SCN7A: variants seen among roughly 807,000 people sequenced by gnomAD.
SCN7A encodes sodium voltage-gated channel alpha subunit 7.
Under a neutral mutation model 155.2 loss-of-function variants are expected in SCN7A, and 138 were observed. That is an observed-to-expected ratio of 0.89 (90% CI 0.77 to 1.02). The LOEUF (loss-of-function observed/expected upper bound fraction) is 1.02, where lower values mean the gene tolerates loss of function less well. Among genes scored for constraint, SCN7A ranks in the 50% least tolerant of loss-of-function variants. SCN7A has a pLI of 0.00. For synonymous variants in SCN7A, 693 were observed against 649.0 expected, an observed-to-expected ratio of 1.07 and a Z score of -1.03; for missense variants, 2,058 against 1,986.6, an observed-to-expected ratio of 1.04 and a Z score of -0.68.
chr2:166,432,534 G>C lies in SCN7A; in HGVS notation c.2376C>G (p.Asp792Glu). Residue 792 changes from aspartate (D) to glutamate (E), a missense_variant, in exon 16 of 26, where the codon GAC becomes GAG. Coordinates refer to ENST00000643258, the MANE Select transcript of SCN7A (RefSeq NM_002976.4). ...TGTTGCTCAATTCAGAAAGGGTATG[G>C]TCAGAAATATCTTCTTTAACATATA... ...NEVYVKEDIS[D>E]HTLSELSNTQ... 1 of 1,613,510 alleles carries C rather than the reference G, an allele frequency of 6.2e-7. No homozygotes were observed. The highest frequency in any genetic ancestry group is 8.5e-7 in the Non-Finnish European group (1 of 1,179,618).
At chr2:166,474,451 G>C in intron 3 of SCN7A, 107 bp from the exon 4 acceptor site, 1 of 392,784 alleles carries the variant, frequency 2.5e-6, no homozygotes, top group East Asian at 3.7e-5. Flanking sequence ...GACTCTAAAA[G>C]CCATACTCTT....
At chr2:166,466,965 C>T (rs1277895769) in intron 7 of SCN7A, among the ~76,000 whole-genome samples, 1 of 151,852 alleles carries the variant, frequency 6.6e-6, no homozygotes, top group Non-Finnish European at 1.5e-5. Context: ...ATTCTTGTGA[C>T]TACAGAAGTG....
Position 166,419,567 on chromosome 2 carries a change from G to GTATTTTT in SCN7A, c.3135+1622_3135+1623insAAAAATA, listed in dbSNP as rs1701467084. On this transcript the variant is annotated intron_variant, in intron 20 of 25. Coordinates refer to ENST00000643258, the MANE Select transcript of SCN7A (RefSeq NM_002976.4). ...TTTTTTGTAGAGACAGGGTCTTACT[G>GTATTTTT]TGTTACCCGGGCTCGTCTCAAACTC... is the stretch of plus-strand genomic sequence containing the variant. Among the ~76,000 whole-genome samples, 8 of 151,906 alleles carry GTATTTTT rather than the reference G, an allele frequency of 5.3e-5. 1 individual carries two copies. Among genetic ancestry groups the GTATTTTT allele is most frequent in the African/African-American group, 1.9e-4 (8 of 41,472 alleles).
At chr2:166,479,961 T>A (rs1276822689) in intron 2 of SCN7A, among the ~76,000 whole-genome samples, 1 of 152,206 alleles carries the variant, frequency 6.6e-6, no homozygotes, top group Admixed American at 6.5e-5. Flanking sequence ...TAAAATTTAC[T>A]TATTTCCAAA....
intron 2 of SCN7A, among the ~76,000 whole-genome samples, chr2:166,485,829 C>T (rs1478619666): frequency 1.3e-5 from 2 of 152,104 alleles, no homozygotes; most frequent in African/African-American, 2.4e-5. Flanking sequence ...CTAAATTATC[C>T]TTTGTTATCT....
intron 1 of SCN7A, among the ~76,000 whole-genome samples, chr2:166,488,264 G>T (rs1703096125): frequency 1.3e-5 from 2 of 152,258 alleles, no homozygotes; most frequent in Admixed American, 1.3e-4. Context: ...ATTCTCTAAT[G>T]CAGGGCCTTT....
At chr2:166,463,767 G>A (rs1393453338) in intron 9 of SCN7A, among the ~76,000 whole-genome samples, 1 of 152,110 alleles carries the variant, frequency 6.6e-6, no homozygotes, top group African/African-American at 2.4e-5. Flanking sequence ...TATGTACTGA[G>A]GCCAGGCGCA....
At chr2:166,453,608 A>G (rs929094974) in intron 11 of SCN7A, among the ~76,000 whole-genome samples, 1 of 152,198 alleles carries the variant, frequency 6.6e-6, no homozygotes, top group Non-Finnish European at 1.5e-5. Context: ...CAGATAAAAA[A>G]GTTGAAGTTT....
intron 3 of SCN7A, among the ~76,000 whole-genome samples, chr2:166,475,082 A>G (rs1367406752): frequency 5.4e-5 from 7 of 129,368 alleles, no homozygotes; most frequent in Non-Finnish European, 8.0e-5. Context: ...ATATTTGTGT[A>G]TATATATATA....
At chr2:166,448,203 C>T (rs1702106903) in intron 11 of SCN7A, among the ~76,000 whole-genome samples, 2 of 152,116 alleles carry the variant, frequency 1.3e-5, no homozygotes, top group Non-Finnish European at 2.9e-5. Flanking sequence ...TGACTGAAAA[C>T]ATGTGAAGTT....
chr2:166,431,667 A>G (rs529635474), intron 16 of SCN7A, among the ~76,000 whole-genome samples: 1 of 152,206 alleles, frequency 6.6e-6, no homozygotes, highest in Non-Finnish European at 1.5e-5. Flanking sequence ...GAACAGCAGT[A>G]TCTACCCTTC....
At chr2:166,438,486 T>G (rs1008065696) in intron 15 of SCN7A, among the ~76,000 whole-genome samples, 1 of 152,226 alleles carries the variant, frequency 6.6e-6, no homozygotes, top group Non-Finnish European at 1.5e-5. Context: ...TTCTGAACTC[T>G]GCTTTTTCTA....
At chr2:166,467,830 TAAAA>T (rs1008439668) in intron 7 of SCN7A, among the ~76,000 whole-genome samples, 2 of 151,672 alleles carry the variant, frequency 1.3e-5, no homozygotes, top group Admixed American at 6.6e-5. Context: ...TCTGCCTTGA[TAAAA>T]AAAATTTAAA....
rs978514684 is a variant in SCN7A, at chr2:166,493,972, T to G, written c.-132A>C. ...CAGCAAGAAAAAGGCACTTACTTGCTACGAAGCGACAGGTCTCCACCAGTG... is the reference window on the plus strand; with the variant it reads ...CAGCAAGAAAAAGGCACTTACTTGCGACGAAGCGACAGGTCTCCACCAGTG... On this transcript the variant is annotated 5_prime_UTR_variant, in exon 1 of 26. Coordinates refer to ENST00000643258, the MANE Select transcript of SCN7A (RefSeq NM_002976.4). 6.6e-5 allele frequency: 10 copies of G among 152,272 alleles called. No individual in the cohort carries two copies. The highest frequency in any genetic ancestry group is 1.9e-4 in the African/African-American group (8 of 41,430). 9.4% of individuals were successfully genotyped at this position (152,272 alleles called of 1,614,324 possible).
Position 166,406,250 on chromosome 2 carries a change from G to T in SCN7A, c.4379C>A (p.Thr1460Asn). 1 of 1,613,128 alleles carries T rather than the reference G, an allele frequency of 6.2e-7. No homozygotes were observed. Among genetic ancestry groups the T allele is most frequent in the Non-Finnish European group, 8.5e-7 (1 of 1,179,542 alleles). Residue 1460 changes from threonine to asparagine, a missense_variant, in exon 26 of 26, where the codon ACT becomes AAT. Thr to Asn is a moderately conservative substitution (Grantham distance 65). Transcript: ENST00000643258. The part of the protein sequence containing the change: ...DCDPDKINPG[T>N]QVRGDCGNPS... The stretch of plus-strand genomic sequence containing the variant: ...GTTCCCACAATCTCCTCTAACTTGA[G>T]TCCCAGGGTTAATTTTATCAGGATC...
At position 166,465,462 on chromosome 2, in the gene SCN7A, C is replaced by T. The variant is rs754629328; in HGVS notation, c.941G>A (p.Gly314Asp). 10 of 1,603,882 alleles carry T rather than the reference C, an allele frequency of 6.2e-6. No individual in the cohort carries two copies. In the South Asian group the frequency reaches 1.1e-4, roughly 18 times the overall value. ...ALLCGNRTDA[G>D]QCPEGYVCVK... ...ATAGAATAAAACTAATACCACCTAC[C>T]CAGCATCTGTCCTGTTGCCACAAAG... Residue 314 changes from glycine (G) to aspartate (D), a missense_variant and splice_region_variant, in exon 9 of 26, where the codon GGT (glycine) becomes GAT (aspartate). By Grantham distance (94) the Gly-to-Asp change is moderately conservative (BLOSUM62 -1). Coordinates refer to ENST00000643258, the MANE Select transcript of SCN7A (RefSeq NM_002976.4).
rs1285202713 is a variant in SCN7A at position 166,413,067 on chromosome 2, C to T, written c.3468+1G>A. 5.2e-6 allele frequency: 8 copies of T among 1,527,814 alleles called. No individual in the cohort carries two copies. Among genetic ancestry groups the T allele is most frequent in the Admixed American group, 2.2e-5 (1 of 45,026 alleles). 94.6% of individuals were successfully genotyped at this position (1,527,814 alleles called of 1,614,324 possible). A position where few individuals can be genotyped will look rare whatever the true frequency, so the allele number is the denominator to read the frequency against. On this transcript the variant is annotated splice_donor_variant, in intron 22 of 25. Coordinates refer to ENST00000643258, the MANE Select transcript of SCN7A (RefSeq NM_002976.4). LOFTEE classifies it high-confidence loss of function. ...TGGCTTTAAAATGATATTATACTTA[C>T]AGCAACAGAATCAATTGCTGAATTC...
chr2:166,416,439 C>G (rs1335405646), intron 21 of SCN7A, among the ~76,000 whole-genome samples: 1 of 152,124 alleles, frequency 6.6e-6, no homozygotes, highest in Non-Finnish European at 1.5e-5. Flanking sequence ...TGTGATGTCA[C>G]CCCCGGCGGC....
At chr2:166,445,040 G>A (rs763653007) in intron 12 of SCN7A, 40 bp from the exon 13 acceptor site, 2 of 1,303,770 alleles carry the variant, frequency 1.5e-6, no homozygotes, top group Middle Eastern at 2.3e-4. Context: ...TTCTGGCCGG[G>A]TGCAGTGGCT....
Sources: allele counts gnomAD v4.1 joint callset (sites outside exome capture counted in the v4.1 genomes callset), GRCh38; gene constraint gnomAD v4.1.1; transcripts MANE v1.5; gene names NCBI Gene and HGNC (gene_info 2026-07-23, HGNC 2026-07-21).